The following SEL1L2 variants were observed in gnomAD, a reference collection of about 807,000 sequenced individuals.
SEL1L2 encodes SEL1L2 adaptor subunit of SYVN1 ubiquitin ligase, also known as protein sel-1 homolog 2.
SEL1L2 carries 89 observed loss-of-function variants against 98.8 expected under a neutral mutation model. The ratio of observed to expected loss-of-function variants is 0.90; its 90% confidence interval spans 0.76 to 1.07. SEL1L2 has a LOEUF of 1.07. Among genes scored for constraint, SEL1L2 ranks in the 50% least tolerant of loss-of-function variants. The probability of loss-of-function intolerance (pLI) is 0.00; values close to 1 mark genes in which losing one functional copy is unlikely to be tolerated. For synonymous variants in SEL1L2, 262 were observed against 278.5 expected (o/e 0.94, Z 0.59); for missense variants, 788 against 812.0 (o/e 0.97, Z 0.36).
intron 2 of SEL1L2, among the ~76,000 whole-genome samples, chr20:13,953,872 A>G (rs1049264349): frequency 2.0e-5 from 3 of 152,290 alleles, no homozygotes; most frequent in African/African-American, 7.2e-5. Context: ...TCCCTCAGCC[A>G]TATACTTGAG....
chr20:13,939,230 A>G (rs974662709), intron 2 of SEL1L2, among the ~76,000 whole-genome samples: 2 of 151,470 alleles, frequency 1.3e-5, no homozygotes, highest in African/African-American at 4.9e-5. Context: ...TCTTTAGTAG[A>G]GATGGGGTTT....
At chr20:13,991,388 A>G (rs1307640695), upstream of SEL1L2, among the ~76,000 whole-genome samples, 1 of 152,188 alleles carries the variant, frequency 6.6e-6, no homozygotes, top group African/African-American at 2.4e-5. Flanking sequence ...TAATGGGTTA[A>G]AACAACAGGA....
At chr20:13,971,252 C>T (rs951352667) in intron 1 of SEL1L2, among the ~76,000 whole-genome samples, 1 of 152,134 alleles carries the variant, frequency 6.6e-6, no homozygotes, top group African/African-American at 2.4e-5. Context: ...ATCCTTTTCA[C>T]CATAGAGGTC....
In SEL1L2 at chr20:13,931,662, C is replaced by A; in HGVS notation, c.224G>T (p.Arg75Leu). The A allele has an allele frequency of 6.6e-7, 1 of 1,513,324 alleles. No homozygotes were observed. Among genetic ancestry groups the A allele is most frequent in the Non-Finnish European group, 9.0e-7 (1 of 1,111,740 alleles). The allele number at this position is 1,513,324 out of a possible 1,614,324, so 93.7% of individuals were successfully genotyped here. The change falls in exon 3 of 20, where the codon CGT becomes CTT. Residue 75 changes from arginine (R) to leucine (L), a missense_variant. Transcript: ENST00000284951. ...ENLLEKKKNQRKIRIKGIQNK... is the reference protein window; with the variant it reads ...ENLLEKKKNQLKIRIKGIQNK... ...TTGAATTCCTTTTATTCTTATTTTACGTTGATTCTTCTTTTTCTCCAGGAG... is the reference window on the plus strand; with the variant it reads ...TTGAATTCCTTTTATTCTTATTTTAAGTTGATTCTTCTTTTTCTCCAGGAG...
At chr20:13,904,057 T>A (rs1451479541) in intron 5 of SEL1L2, among the ~76,000 whole-genome samples, 1 of 152,208 alleles carries the variant, frequency 6.6e-6, no homozygotes, top group Admixed American at 6.5e-5. Context: ...AAGTACATAA[T>A]TTTTAAAGCT....
At position 13,884,310 on chromosome 20, in the gene SEL1L2, T is replaced by TA. The variant is rs34281720; in HGVS notation, c.957+1036dup. Reference sequence around the variant, plus strand: ...ATGAAAAGAGCAGCAAAATCATCTTTAAAAAAAAAAATCCAGTTACTTCCC... The same window carrying TA: ...ATGAAAAGAGCAGCAAAATCATCTTTAAAAAAAAAAAATCCAGTTACTTCCC... On this transcript the variant is annotated intron_variant, in intron 10 of 19. Coordinates refer to ENST00000284951, the MANE Select transcript of SEL1L2 (RefSeq NM_025229.2). Among the ~76,000 whole-genome samples the TA allele has an allele frequency of 4.6e-3, 685 of 148,516 alleles. 3 individuals are homozygous for TA. The highest frequency in any genetic ancestry group is 0.015 in the African/African-American group (619 of 40,724).
At chr20:13,852,499 A>G (rs1463826785) in intron 18 of SEL1L2, among the ~76,000 whole-genome samples, 1 of 152,202 alleles carries the variant, frequency 6.6e-6, no homozygotes, top group Non-Finnish European at 1.5e-5. Flanking sequence ...AAAAAATCTA[A>G]GTCATGCAAA....
Position 13,879,422 on chromosome 20 carries a change from G to A in SEL1L2, c.958-1834C>T, listed in dbSNP as rs528300415. Among the ~76,000 whole-genome samples, 137 of 152,092 alleles carry A rather than the reference G, an allele frequency of 9.0e-4. 1 individual carries two copies. The highest frequency in any genetic ancestry group is 3.2e-3 in the African/African-American group (134 of 41,464). On this transcript the variant is annotated intron_variant, in intron 10 of 19. Coordinates refer to ENST00000284951, the MANE Select transcript of SEL1L2 (RefSeq NM_025229.2). ...GCTGGAGTGAAGTGGTATGATCTTG[G>A]TTCACTGCAACCTCCACCTCCTGGG...
chr20:13,990,672 G>A (rs2052504897), upstream of SEL1L2: 3 of 635,178 alleles, frequency 4.7e-6, no homozygotes, highest in East Asian at 5.9e-5. Flanking sequence ...GGGCCAATGG[G>A]CTGCCAGAGT....
chr20:13,939,040 G>GGTTTTTTTTT, intron 2 of SEL1L2, among the ~76,000 whole-genome samples: 1,629 of 113,952 alleles, frequency 0.014, 242 homozygotes, highest in Non-Finnish European at 0.02. Context: ...TGCTTGTTTT[G>GGTTTTTTTTT]TTTTTTTTTT....
At chr20:13,914,157 T>C (rs1327791936) in intron 4 of SEL1L2, among the ~76,000 whole-genome samples, 1 of 152,158 alleles carries the variant, frequency 6.6e-6, no homozygotes, top group Admixed American at 6.5e-5. Context: ...ATAATAATGC[T>C]ACTAAAAAGG....
At position 13,876,046 on chromosome 20, in the gene SEL1L2, C is replaced by G; in HGVS notation, c.1096G>C (p.Ala366Pro). The G allele has an allele frequency of 1.9e-6, 3 of 1,613,340 alleles. No individual in the cohort carries two copies. Among genetic ancestry groups the G allele is most frequent in the Non-Finnish European group, 2.5e-6 (3 of 1,179,216 alleles). ...ATAFKYFSMA[A>P]SKGNAIGLHG... is the part of the protein sequence containing the mutation. The stretch of plus-strand genomic sequence containing the variant: ...GTGCATTGAGGACATACCTTACTGG[C>G]TGCCATGGAAAAGTACTTGAAGGCA... Residue 366 changes from alanine to proline, a missense_variant, in exon 12 of 20, where the codon GCC (alanine) becomes CCC (proline). Coordinates refer to ENST00000284951, the MANE Select transcript of SEL1L2 (RefSeq NM_025229.2).
intron 10 of SEL1L2, among the ~76,000 whole-genome samples, chr20:13,881,892 T>C (rs1004492234): frequency 2.0e-5 from 3 of 152,164 alleles, no homozygotes; most frequent in East Asian, 1.9e-4. Flanking sequence ...TAAGATATTG[T>C]ATATTTCAAA....
At chr20:13,879,282 C>T (rs1237218568) in intron 10 of SEL1L2, among the ~76,000 whole-genome samples, 1 of 152,094 alleles carries the variant, frequency 6.6e-6, no homozygotes, top group Non-Finnish European at 1.5e-5. Flanking sequence ...AAAGCTAAGA[C>T]TTGCAAAAAT....
At chr20:13,926,781 C>T (rs1266881738) in intron 3 of SEL1L2, among the ~76,000 whole-genome samples, 2 of 152,170 alleles carry the variant, frequency 1.3e-5, no homozygotes, top group Non-Finnish European at 2.9e-5. Context: ...TTTAGCCTAG[C>T]TGGTCACAGG....
chr20:13,856,369 A>G (rs1989161488), intron 18 of SEL1L2, among the ~76,000 whole-genome samples: 2 of 152,262 alleles, frequency 1.3e-5, no homozygotes, highest in South Asian at 4.1e-4. Flanking sequence ...ACCTCAAGTG[A>G]TCTGCCCACC....
chr20:13,916,286 T>C lies in SEL1L2; in HGVS notation c.387-2342A>G, dbSNP rs534416318. The stretch of plus-strand genomic sequence containing the variant: ...GTAGCAAAGCAAAGAGAGGGTAGGA[T>C]AGAGGAATGAGCGGGAATGAAATTA... On this transcript the variant is annotated intron_variant, in intron 4 of 19. Transcript: ENST00000284951. Among the ~76,000 whole-genome samples the C allele has an allele frequency of 3.1e-4, 47 of 152,254 alleles. No homozygotes were observed. The South Asian group carries it at 8.9e-3, about 29-fold the overall frequency.
intron 1 of SEL1L2, among the ~76,000 whole-genome samples, chr20:13,957,720 A>T (rs117742382): frequency 1.0e-3 from 156 of 152,272 alleles, no homozygotes; most frequent in Non-Finnish European, 1.8e-3. Flanking sequence ...TCTACAAAAA[A>T]TGCAAAAATT....
At chr20:13,946,300 G>A (rs899263329) in intron 2 of SEL1L2, among the ~76,000 whole-genome samples, 16 of 151,972 alleles carry the variant, frequency 1.1e-4, no homozygotes, top group Admixed American at 1.0e-3. Context: ...AAAAGTTGCA[G>A]AATACAAAAT....
Sources: gnomAD v4.1 joint callset for allele counts (sites outside exome capture counted in the v4.1 genomes callset) on GRCh38, gnomAD v4.1.1 for gene constraint, MANE v1.5 for transcripts, NCBI Gene and HGNC (gene_info 2026-07-23, HGNC 2026-07-21) for gene names.